MDGA2: variants seen among roughly 807,000 people sequenced by gnomAD.
MDGA2 encodes MAM domain containing glycosylphosphatidylinositol anchor 2, also known as MAM domain-containing glycosylphosphatidylinositol anchor protein 2.
A neutral mutation model predicts 117.8 loss-of-function variants in MDGA2; 40 were observed. That is an observed-to-expected ratio of 0.34 (90% CI 0.26 to 0.44). MDGA2 has a LOEUF of 0.44. Ranked by LOEUF, MDGA2 falls within the 20% of genes least tolerant of loss-of-function variation. The probability of loss-of-function intolerance (pLI) is 1.00; values close to 1 mark genes in which losing one functional copy is unlikely to be tolerated. For missense variants in MDGA2, 1,123 were observed against 1,250.6 expected (o/e 0.90, Z 1.54); for synonymous variants, 452 against 439.0 (o/e 1.03, Z -0.37).
At chr14:47,217,693 AT>A (rs1886145259) in intron 3 of MDGA2, among the ~76,000 whole-genome samples, 1 of 152,166 alleles carries the variant, frequency 6.6e-6, no homozygotes, top group African/African-American at 2.4e-5. Flanking sequence ...TAATAAAAAT[AT>A]AAAAATGCAT....
intron 1 of MDGA2, among the ~76,000 whole-genome samples, chr14:47,406,212 A>G (rs559267947): frequency 9.1e-4 from 138 of 152,296 alleles, no homozygotes; most frequent in African/African-American, 3.1e-3. Context: ...AATTTTAATA[A>G]AACTAATAAA....
chr14:47,036,251 CAG>C (rs1888847408), intron 7 of MDGA2, among the ~76,000 whole-genome samples: 2 of 109,574 alleles, frequency 1.8e-5, no homozygotes, highest in African/African-American at 3.7e-5. Flanking sequence ...GCCTGGGCGA[CAG>C]AGCCAGACTC....
chr14:46,922,115 CAG>C (rs919028719), intron 9 of MDGA2, among the ~76,000 whole-genome samples: 4 of 151,712 alleles, frequency 2.6e-5, no homozygotes, highest in Non-Finnish European at 4.4e-5. Flanking sequence ...GGGGGGCAAA[CAG>C]AATTTTTAGG....
intron 3 of MDGA2, among the ~76,000 whole-genome samples, chr14:47,171,453 G>A (rs1884129409): frequency 6.6e-6 from 1 of 152,072 alleles, no homozygotes; most frequent in Admixed American, 6.6e-5. Context: ...AACTAACCAA[G>A]GAAGAGGCAA....
At chr14:46,874,221 A>C (rs749446116) in intron 12 of MDGA2, 21 bp from the exon 13 acceptor site, 4 of 1,183,650 alleles carry the variant, frequency 3.4e-6, no homozygotes, top group African/African-American at 1.6e-5. Flanking sequence ...ATTTTAATTA[A>C]ATTAATATTA....
rs571685436 is a variant in MDGA2, at chr14:47,160,235, A to G, written c.596-15961T>C. On this transcript the variant is annotated intron_variant, in intron 3 of 16. Transcript: ENST00000399232. The stretch of plus-strand genomic sequence containing the variant: ...TATTTTTCTTTTCTTGTGCAAAACC[A>G]TATTAATGTGACATAGAAGTTTTTA... Among the ~76,000 whole-genome samples, 15 of 152,352 alleles carry G rather than the reference A, an allele frequency of 9.8e-5. No individual in the cohort carries two copies. In the South Asian group the frequency reaches 2.7e-3, roughly 27 times the overall value.
At chr14:47,109,899 T>C (rs972024729) in intron 5 of MDGA2, among the ~76,000 whole-genome samples, 1 of 152,148 alleles carries the variant, frequency 6.6e-6, no homozygotes, top group Middle Eastern at 3.2e-3. Flanking sequence ...TGAGCCGAGA[T>C]TGTGCCACTG....
At chr14:47,173,331 C>T (rs1413293309) in intron 3 of MDGA2, among the ~76,000 whole-genome samples, 3 of 151,970 alleles carry the variant, frequency 2.0e-5, no homozygotes, top group Non-Finnish European at 2.9e-5. Flanking sequence ...AAGAGCAACT[C>T]CAAGACACAT....
intron 8 of MDGA2, among the ~76,000 whole-genome samples, chr14:46,980,467 A>T (rs1465526799): frequency 6.6e-6 from 1 of 152,192 alleles, no homozygotes; most frequent in African/African-American, 2.4e-5. Flanking sequence ...ACCACGAAGG[A>T]TTTAGAACAT....
At chr14:47,129,075 A>G (rs1882053408) in intron 5 of MDGA2, among the ~76,000 whole-genome samples, 1 of 150,764 alleles carries the variant, frequency 6.6e-6, no homozygotes, top group Non-Finnish European at 1.5e-5. Flanking sequence ...TATACGAAAT[A>G]GAGCATTCTC....
chr14:46,951,241 G>T (rs1299380385), intron 9 of MDGA2, among the ~76,000 whole-genome samples: 1 of 151,824 alleles, frequency 6.6e-6, no homozygotes. Context: ...GATTTATTTA[G>T]TTAATATTTC....
At chr14:47,128,172 A>G (rs1440893809) in intron 5 of MDGA2, among the ~76,000 whole-genome samples, 2 of 152,154 alleles carry the variant, frequency 1.3e-5, no homozygotes, top group African/African-American at 4.8e-5. Context: ...GTTCATTCTC[A>G]AAACAATCCA....
chr14:47,137,992 A>G (rs1377474419), intron 4 of MDGA2, among the ~76,000 whole-genome samples: 1 of 152,182 alleles, frequency 6.6e-6, no homozygotes, highest in Non-Finnish European at 1.5e-5. Flanking sequence ...TTAATGGAAT[A>G]TTGTTTAAAA....
chr14:47,151,221 G>T, intron 3 of MDGA2, among the ~76,000 whole-genome samples: 1 of 152,212 alleles, frequency 6.6e-6, no homozygotes, highest in East Asian at 1.9e-4. Flanking sequence ...AAATAGGTCA[G>T]ATGGAGCTGT....
chr14:47,631,683 T>A (rs974810507), intron 1 of MDGA2, among the ~76,000 whole-genome samples: 1 of 152,170 alleles, frequency 6.6e-6, no homozygotes, highest in African/African-American at 2.4e-5. Context: ...CCTTTCCCAA[T>A]TGTTTATTTT....
At chr14:47,417,312 A>T (rs111920565) in intron 1 of MDGA2, among the ~76,000 whole-genome samples, 1,632 of 152,252 alleles carry the variant, frequency 0.011, 35 homozygotes, top group African/African-American at 0.037. Flanking sequence ...GTCACTCACA[A>T]ATTCTACCTT....
chr14:47,112,759 T>C (rs1881113549), intron 5 of MDGA2, among the ~76,000 whole-genome samples: 1 of 152,192 alleles, frequency 6.6e-6, no homozygotes, highest in Non-Finnish European at 1.5e-5. Flanking sequence ...ATATACCCAG[T>C]AATAGGATTG....
chr14:46,854,047 T>C (rs1346731627), intron 15 of MDGA2, among the ~76,000 whole-genome samples: 2 of 151,798 alleles, frequency 1.3e-5, no homozygotes, highest in African/African-American at 4.8e-5. Context: ...AATGACTATG[T>C]ATTTTTATCA....
At chr14:47,134,966 CAT>C (rs754342287) in intron 4 of MDGA2, among the ~76,000 whole-genome samples, 5 of 151,968 alleles carry the variant, frequency 3.3e-5, no homozygotes, top group African/African-American at 9.7e-5. Flanking sequence ...TCTTTACTCA[CAT>C]AGAGTTAATT....
Sources: allele counts gnomAD v4.1 joint callset (sites outside exome capture counted in the v4.1 genomes callset), GRCh38; gene constraint gnomAD v4.1.1; transcripts MANE v1.5; gene names NCBI Gene and HGNC (gene_info 2026-07-23, HGNC 2026-07-21).